The following ALPK1 variants were observed in gnomAD, a reference collection of about 807,000 sequenced individuals.
The protein encoded by ALPK1 is alpha kinase 1, also known as alpha-protein kinase 1.
A neutral mutation model predicts 120.6 loss-of-function variants in ALPK1; 110 were observed. That is an observed-to-expected ratio of 0.91 (90% CI 0.78 to 1.07). ALPK1 has a LOEUF of 1.07. Ranked by LOEUF, ALPK1 falls within the 50% of genes least tolerant of loss-of-function variation. The pLI, the probability that ALPK1 is intolerant of heterozygous loss-of-function variation, is 0.00. For synonymous variants in ALPK1, 582 were observed against 560.3 expected, an observed-to-expected ratio of 1.04 and a Z score of -0.55; for missense variants, 1,498 against 1,483.9, an observed-to-expected ratio of 1.01 and a Z score of -0.16.
intron 4 of ALPK1, among the ~76,000 whole-genome samples, chr4:112,400,694 G>C (rs1008857863): frequency 6.6e-6 from 1 of 152,164 alleles, no homozygotes; most frequent in Non-Finnish European, 1.5e-5. Context: ...CCAGTTGAAA[G>C]ACAGATACAA....
At chr4:112,359,527 G>T in intron 2 of ALPK1, 1 of 254,588 alleles carries the variant, frequency 3.9e-6, no homozygotes, top group South Asian at 5.4e-5. Flanking sequence ...GAGCCGCCAG[G>T]ACCCCAAGAG....
rs369534780 is a variant in ALPK1 at position 112,382,420 on chromosome 4, G to T, written c.144G>T (p.Arg48Ser). 1 of 1,612,770 alleles carries T rather than the reference G, an allele frequency of 6.2e-7. No homozygotes were observed. The highest frequency in any genetic ancestry group is 8.5e-7 in the Non-Finnish European group (1 of 1,179,712). The stretch of plus-strand genomic sequence containing the variant: ...CAGCTTTACTCCCCAGCGAGTTAAG[G>T]ACCCTGATCCAGGAGGCAAAGGAAA... ...RCRALLPSEL[R>S]TLIQEAKEMK... Residue 48 changes from arginine (R) to serine (S), a missense_variant, in exon 4 of 16, where the codon AGG becomes AGT. Physicochemically the swap from Arg to Ser is moderately radical, Grantham distance 110. Coordinates refer to ENST00000650871, the MANE Select transcript of ALPK1 (RefSeq NM_025144.4).
intron 1 of ALPK1, among the ~76,000 whole-genome samples, chr4:112,301,963 T>C (rs966113395): frequency 1.6e-4 from 24 of 152,154 alleles, no homozygotes; most frequent in African/African-American, 5.3e-4. Flanking sequence ...CTTCACTCGA[T>C]GACCTCTCTC....
At chr4:112,297,573 T>C (rs149442495) in intron 1 of ALPK1, 104 bp downstream of exon 1, 1 of 151,880 alleles carries the variant, frequency 6.6e-6, no homozygotes, top group East Asian at 1.9e-4. Flanking sequence ...ATCTTGTTTA[T>C]ATTTAAATAA....
At chr4:112,416,353 AAT>A (rs1342764137) in intron 5 of ALPK1, among the ~76,000 whole-genome samples, 6 of 152,218 alleles carry the variant, frequency 3.9e-5, no homozygotes, top group African/African-American at 1.4e-4. Flanking sequence ...GTACGCCTGC[AAT>A]ACCATTAACA....
chr4:112,313,523 G>A (rs752321766), intron 1 of ALPK1, among the ~76,000 whole-genome samples: 1 of 152,236 alleles, frequency 6.6e-6, no homozygotes, highest in Non-Finnish European at 1.5e-5. Flanking sequence ...AGGAGTTCGA[G>A]ACCAGACTGC....
chr4:112,394,414 A>T (rs1223818988), intron 4 of ALPK1, among the ~76,000 whole-genome samples: 1 of 152,252 alleles, frequency 6.6e-6, no homozygotes, highest in Admixed American at 6.5e-5. Flanking sequence ...TTGTTTTGAA[A>T]AGAAGCCAGA....
intron 11 of ALPK1, among the ~76,000 whole-genome samples, chr4:112,434,541 G>A (rs1039209435): frequency 6.6e-6 from 1 of 152,214 alleles, no homozygotes; most frequent in Non-Finnish European, 1.5e-5. Flanking sequence ...TTCTTGCTTA[G>A]CACTGTTCTT....
At chr4:112,418,933 T>C (rs1039725450) in intron 5 of ALPK1, among the ~76,000 whole-genome samples, 3 of 151,886 alleles carry the variant, frequency 2.0e-5, no homozygotes, top group South Asian at 2.1e-4. Flanking sequence ...AATAAGAAAA[T>C]GAAAGGAAAT....
At chr4:112,340,275 T>C (rs1326723927) in intron 2 of ALPK1, among the ~76,000 whole-genome samples, 2 of 152,252 alleles carry the variant, frequency 1.3e-5, no homozygotes, top group Admixed American at 1.3e-4. Flanking sequence ...GAAATGTAAA[T>C]GTCTACGGCA....
chr4:112,346,129 C>T (rs1278052252), intron 2 of ALPK1, among the ~76,000 whole-genome samples: 2 of 152,236 alleles, frequency 1.3e-5, no homozygotes, highest in East Asian at 3.8e-4. Flanking sequence ...TCCCAAAGTG[C>T]TGGGATTACA....
chr4:112,357,533 T>A, intron 2 of ALPK1: 1 of 1,010,676 alleles, frequency 9.9e-7, no homozygotes. Flanking sequence ...TGTCAGGGCA[T>A]CTGCTTTATC....
At chr4:112,337,179 T>G (rs1729656509) in intron 2 of ALPK1, among the ~76,000 whole-genome samples, 1 of 152,150 alleles carries the variant, frequency 6.6e-6, no homozygotes, top group Non-Finnish European at 1.5e-5. Context: ...TTATAAATCA[T>G]TATTTAAAAA....
Position 112,357,721 on chromosome 4 carries a change from A to T in ALPK1, c.-100-19957A>T, listed in dbSNP as rs2148714693. The T allele has an allele frequency of 1.3e-5, 19 of 1,513,760 alleles. No individual in the cohort carries two copies. In the South Asian group the frequency reaches 2.1e-4, roughly 17 times the overall value. The allele number at this position is 1,513,760 out of a possible 1,614,324, so 93.8% of individuals were successfully genotyped here. ...CTCCGCGTTTGACAGACGGTTTTCC[A>T]AGGAGTGCTTGTCCTCTTTGGGGAA... On this transcript the variant is annotated intron_variant, in intron 2 of 15. Transcript: ENST00000650871.
At chr4:112,341,006 A>G (rs75117173) in intron 2 of ALPK1, among the ~76,000 whole-genome samples, 2,295 of 152,330 alleles carry the variant, frequency 0.015, 71 homozygotes, top group African/African-American at 0.053. Flanking sequence ...TTGCTGGGAA[A>G]TAAAGATCCC....
rs77279949 is a variant in ALPK1, at chr4:112,317,466, A to C, written c.-101+1614A>C. ...TTCATTCTTCTGTATGTGGATATACAGTTTTCCCAATACCGTTTGTTGGAA... is the reference window on the plus strand; with the variant it reads ...TTCATTCTTCTGTATGTGGATATACCGTTTTCCCAATACCGTTTGTTGGAA... On this transcript the variant is annotated intron_variant, in intron 2 of 15. Coordinates refer to ENST00000650871, the MANE Select transcript of ALPK1 (RefSeq NM_025144.4). 1.6e-3 allele frequency among the ~76,000 whole-genome samples: 244 copies of C among 152,304 alleles called. 2 individuals are homozygous for C. Among genetic ancestry groups the C allele is most frequent in the African/African-American group, 5.5e-3 (230 of 41,574 alleles).
At chr4:112,416,653 T>C (rs1323572495) in intron 5 of ALPK1, among the ~76,000 whole-genome samples, 1 of 151,956 alleles carries the variant, frequency 6.6e-6, no homozygotes, top group Non-Finnish European at 1.5e-5. Flanking sequence ...GTGGGAGGGA[T>C]CGCATGAGCC....
chr4:112,375,455 T>A lies in ALPK1; in HGVS notation c.-100-2223T>A, dbSNP rs547757610. On this transcript the variant is annotated intron_variant, in intron 2 of 15. Transcript: ENST00000650871. ...TTGCTGCAGCTTCTACATCAGCCCT[T>A]GCTGCTTCATCTTGCACTTTTATGT... Among the ~76,000 whole-genome samples, 11 of 152,320 alleles carry A rather than the reference T, an allele frequency of 7.2e-5. No individual in the cohort carries two copies. The South Asian group carries it at 2.1e-3, about 29-fold the overall frequency.
At chr4:112,417,918 A>C (rs1431049013) in intron 5 of ALPK1, among the ~76,000 whole-genome samples, 2 of 152,228 alleles carry the variant, frequency 1.3e-5, no homozygotes, top group East Asian at 1.9e-4. Flanking sequence ...TAAAAATGCA[A>C]ACTAGGGATA....
Sources: gnomAD v4.1 joint callset for allele counts (sites outside exome capture counted in the v4.1 genomes callset) on GRCh38, gnomAD v4.1.1 for gene constraint, MANE v1.5 for transcripts, NCBI Gene and HGNC (gene_info 2026-07-23, HGNC 2026-07-21) for gene names.